The following MEPE variants were observed in gnomAD, a reference collection of about 807,000 sequenced individuals.
The protein encoded by MEPE is matrix, extracellular phosphoglycoprotein with ASARM motif (bone).
In MEPE, 7 loss-of-function variants were observed where a neutral mutation model predicts 7.3. The observed-to-expected ratio is 0.95, with a 90% CI of 0.54 to 1.79. MEPE has a LOEUF of 1.79. Ranked by LOEUF, MEPE falls within the 40% of genes most tolerant of loss-of-function variation. MEPE has a pLI of 0.00. For synonymous variants in MEPE, 214 were observed against 213.1 expected, an observed-to-expected ratio of 1.00 and a Z score of -0.04; for missense variants, 623 against 628.2, an observed-to-expected ratio of 0.99 and a Z score of 0.09.
intron 3 of MEPE, 96 bp downstream of exon 3, chr4:87,838,781 C>G: frequency 9.2e-7 from 1 of 1,086,320 alleles, no homozygotes; most frequent in Non-Finnish European, 1.4e-6. Context: ...GTCTTGGGCA[C>G]TTTGAATGGA....
At chr4:87,822,651 C>T (rs1450563333) in intron 1 of MEPE, among the ~76,000 whole-genome samples, 1 of 152,168 alleles carries the variant, frequency 6.6e-6, no homozygotes, top group African/African-American at 2.4e-5. Context: ...GGTGGTAGGT[C>T]GTTCTGCTAC....
At chr4:87,826,754 CT>C (rs1031957485) in intron 1 of MEPE, among the ~76,000 whole-genome samples, 1 of 152,068 alleles carries the variant, frequency 6.6e-6, no homozygotes, top group Non-Finnish European at 1.5e-5. Context: ...GGATGTTGAG[CT>C]TTTTTTCACG....
chr4:87,843,294 A>G (rs903969295), intron 3 of MEPE, among the ~76,000 whole-genome samples: 5 of 152,102 alleles, frequency 3.3e-5, no homozygotes, highest in Non-Finnish European at 7.4e-5. Context: ...ATAAAACCAA[A>G]TTCTTCACCC....
chr4:87,846,086 T>C lies in MEPE; in HGVS notation c.1218T>C (p.Ser406=). The part of the protein sequence containing the change: ...YNEIPKNGKG[S]TRKGVDHSNR... Reference sequence around the variant, plus strand: ...AAATTCCTAAAAATGGCAAAGGCAGTACCAGAAAGGGTGTAGATCATTCTA... The same window carrying C: ...AAATTCCTAAAAATGGCAAAGGCAGCACCAGAAAGGGTGTAGATCATTCTA... The change falls in exon 4 of 4, where the codon AGT becomes AGC. Residue 406 remains serine, a synonymous_variant. Transcript: ENST00000361056. The C allele has an allele frequency of 6.2e-7, 1 of 1,613,996 alleles. No homozygotes were observed. Among genetic ancestry groups the C allele is most frequent in the Non-Finnish European group, 8.5e-7 (1 of 1,179,944 alleles).
rs778501853 is a variant in MEPE at position 87,845,941 on chromosome 4, T to C, written c.1073T>C (p.Val358Ala). ...KELPGREGNR[V>A]DAGSQNAHQG... ...CTCCCTGGAAGAGAAGGAAACAGAG[T>C]GGATGCTGGCAGCCAAAATGCTCAC... Residue 358 changes from valine to alanine, a missense_variant, in exon 4 of 4, where the codon GTG becomes GCG. Val to Ala is a moderately conservative substitution (Grantham distance 64). Transcript: ENST00000361056. The C allele has an allele frequency of 3.1e-6, 5 of 1,613,714 alleles. No homozygotes were observed. Among genetic ancestry groups the C allele is most frequent in the Non-Finnish European group, 4.2e-6 (5 of 1,179,898 alleles).
At position 87,846,023 on chromosome 4, in the gene MEPE, A is replaced by T. The variant is rs1723235983; in HGVS notation, c.1155A>T (p.Glu385Asp). Reference protein sequence around the residue: ...PPAPSKEKRKEGSSDAAESTN... With the variant: ...PPAPSKEKRKDGSSDAAESTN... ...CACCCTCAAAAGAGAAAAGAAAAGA[A>T]GGCAGTAGTGATGCAGCTGAAAGTA... is the stretch of plus-strand genomic sequence containing the variant. Residue 385 changes from glutamate to aspartate, a missense_variant, in exon 4 of 4, where the codon GAA (glutamate) becomes GAT (aspartate). Transcript: ENST00000361056. The T allele has an allele frequency of 1.2e-6, 2 of 1,614,088 alleles. No homozygotes were observed. Among genetic ancestry groups the T allele is most frequent in the Non-Finnish European group, 1.7e-6 (2 of 1,179,982 alleles).
In MEPE at chr4:87,844,534, C is replaced by A. The variant is rs951424861; in HGVS notation, c.109-443C>A. ...AGAAAGGAAAGAAAAAGAAAATACTCCTTTAGGCAGATGAATACCTCTGAT... is the reference window on the plus strand; with the variant it reads ...AGAAAGGAAAGAAAAAGAAAATACTACTTTAGGCAGATGAATACCTCTGAT... On this transcript the variant is annotated intron_variant, in intron 3 of 3. Transcript: ENST00000361056. Among the ~76,000 whole-genome samples, 10 of 150,890 alleles carry A rather than the reference C, an allele frequency of 6.6e-5. 1 individual carries two copies. Among genetic ancestry groups the A allele is most frequent in the African/African-American group, 2.5e-4 (10 of 40,328 alleles).
At chr4:87,839,901 C>G (rs1560539832) in intron 3 of MEPE, 1 of 1,539,144 alleles carries the variant, frequency 6.5e-7, no homozygotes, top group Non-Finnish European at 8.7e-7. Context: ...ATGGCTGGCA[C>G]TTTTGTCCCT....
chr4:87,827,963 G>A (rs1346721126), upstream of MEPE, among the ~76,000 whole-genome samples: 1 of 152,134 alleles, frequency 6.6e-6, no homozygotes, highest in Non-Finnish European at 1.5e-5. Context: ...GAGAAAGTTG[G>A]TTGTAAGTGA....
At position 87,845,555 on chromosome 4, in the gene MEPE, C is replaced by A; in HGVS notation, c.687C>A (p.Val229=). 6.2e-7 allele frequency: 1 copy of A among 1,610,556 alleles called. No individual in the cohort carries two copies. ...NIDYLKHLSK[V]KKIPSDFEGS... Reference sequence around the variant, plus strand: ...ACTACCTAAAACATCTCTCAAAAGTCAAAAAAATCCCCAGTGATTTTGAAG... The same window carrying A: ...ACTACCTAAAACATCTCTCAAAAGTAAAAAAAATCCCCAGTGATTTTGAAG... The change falls in exon 4 of 4, where the codon GTC becomes GTA. Residue 229 remains valine, a synonymous_variant. Transcript: ENST00000361056.
In MEPE at chr4:87,834,624, CTA is replaced by C. The variant is rs1391817688; in HGVS notation, c.-12-77_-12-76del. Reference sequence around the variant, plus strand: ...CAAGGGGAAGGGTGTTTATATATTCCTATGTGTTTTATCTCTTCTTATGGCTG... The same window carrying C: ...CAAGGGGAAGGGTGTTTATATATTCCTGTGTTTTATCTCTTCTTATGGCTG... On this transcript the variant is annotated intron_variant, in intron 1 of 3. Transcript: ENST00000361056. 5.6e-6 allele frequency: 6 copies of C among 1,079,858 alleles called. No homozygotes were observed. The Admixed American group carries it at 9.6e-5, about 17-fold the overall frequency. The allele number at this position is 1,079,858 out of a possible 1,614,324, so 66.9% of individuals were successfully genotyped here.
At chr4:87,822,855 G>T (rs565132000) in intron 1 of MEPE, among the ~76,000 whole-genome samples, 3 of 152,188 alleles carry the variant, frequency 2.0e-5, no homozygotes, top group Non-Finnish European at 4.4e-5. Flanking sequence ...TCACCAGCTT[G>T]CTTATCCTTT....
At chr4:87,835,833 C>CT (rs1722767195) in intron 2 of MEPE, among the ~76,000 whole-genome samples, 1 of 152,156 alleles carries the variant, frequency 6.6e-6, no homozygotes, top group Non-Finnish European at 1.5e-5. Flanking sequence ...AGTTGGCCAG[C>CT]TGAAGATTTT....
upstream of MEPE, among the ~76,000 whole-genome samples, chr4:87,831,254 T>C (rs1722592375): frequency 6.6e-6 from 1 of 152,206 alleles, no homozygotes; most frequent in Non-Finnish European, 1.5e-5. Flanking sequence ...TGTTACTTGT[T>C]TCATTAAGAA....
intron 1 of MEPE, among the ~76,000 whole-genome samples, chr4:87,822,730 G>A (rs1268994193): frequency 6.6e-6 from 1 of 152,088 alleles, no homozygotes; most frequent in Non-Finnish European, 1.5e-5. Context: ...GAACCCTAAG[G>A]GAGCAAGGTC....
rs542305959 is a variant in MEPE, at chr4:87,821,817, G to A, written c.-13+346G>A. On this transcript the variant is annotated intron_variant, in intron 1 of 3. Transcript: ENST00000424957. ...AGGGGCAACCAGATTTCATAGTCCC[G>A]TAAGGATGGCCCAAGAAGAGAAGTT... is the stretch of plus-strand genomic sequence containing the variant. Among the ~76,000 whole-genome samples the A allele has an allele frequency of 1.6e-4, 25 of 152,228 alleles. No homozygotes were observed. In the South Asian group the frequency reaches 3.5e-3, roughly 21 times the overall value.
At chr4:87,842,667 C>T (rs1295910476) in intron 3 of MEPE, among the ~76,000 whole-genome samples, 6 of 152,018 alleles carry the variant, frequency 3.9e-5, no homozygotes, top group South Asian at 2.1e-4. Context: ...CCAGCGAGTT[C>T]GAAGGAACAC....
At chr4:87,822,997 G>C (rs13136155) in intron 1 of MEPE, among the ~76,000 whole-genome samples, 26,759 of 152,164 alleles carry the variant, frequency 0.18, 2,578 homozygotes, top group Non-Finnish European at 0.23. Context: ...AGTTGCAGCA[G>C]AGCAGCTCCC....
At chr4:87,835,263 C>T (rs1722740771) in intron 2 of MEPE, among the ~76,000 whole-genome samples, 1 of 152,224 alleles carries the variant, frequency 6.6e-6, no homozygotes, top group South Asian at 2.1e-4. Context: ...TTCTCTTCAT[C>T]AGCGAGGCTA....
Sources: gnomAD v4.1 joint callset for allele counts (sites outside exome capture counted in the v4.1 genomes callset) on GRCh38, gnomAD v4.1.1 for gene constraint, MANE v1.5 for transcripts, NCBI Gene and HGNC (gene_info 2026-07-23, HGNC 2026-07-21) for gene names.